Variants in CALML4 observed in about 807,000 individuals in gnomAD.
CALML4 encodes calmodulin like 4.
Under a neutral mutation model 17.9 loss-of-function variants are expected in CALML4, and 16 were observed. The observed-to-expected ratio is 0.89, with a 90% CI of 0.61 to 1.36. The LOEUF is 1.36. Ranked by LOEUF, CALML4 falls within the 40% of genes most tolerant of loss-of-function variation. The pLI, the probability that CALML4 is intolerant of heterozygous loss-of-function variation, is 0.00. For missense variants in CALML4, 203 were observed against 194.8 expected, an observed-to-expected ratio of 1.04 and a Z score of -0.25; for synonymous variants, 86 against 71.5, an observed-to-expected ratio of 1.20 and a Z score of -1.02.
In CALML4 at chr15:68,194,052, A is replaced by C. The variant is rs1161132574; in HGVS notation, c.425T>G (p.Phe142Cys). The C allele has an allele frequency of 6.2e-7, 1 of 1,614,078 alleles. No individual in the cohort carries two copies. The highest frequency in any genetic ancestry group is 2.2e-5 in the East Asian group (1 of 44,886). Reference sequence around the variant, plus strand: ...TCCAGGAAGGGTGATCTTGTGGATAAATTCATCATACTTCACTTTGCCATT... The same window carrying C: ...TCCAGGAAGGGTGATCTTGTGGATACATTCATCATACTTCACTTTGCCATT... ...EPNGKVKYDE[F>C]IHKITLPGRD... is the part of the protein sequence containing the mutation. The change falls in exon 5 of 5, where the codon TTT (phenylalanine) becomes TGT (cysteine). Residue 142 changes from phenylalanine (F) to cysteine (C), a missense_variant. Physicochemically the swap from Phe to Cys is radical, Grantham distance 205. Coordinates refer to ENST00000467889, the MANE Select transcript of CALML4 (RefSeq NM_033429.3).
chr15:68,197,892 C>T lies in CALML4; in HGVS notation c.176-264G>A, dbSNP rs2093151452. ...ACCCCAAAGCTCAAGAAAGTGGGTT[C>T]CCAACCACAGATGGAGGACTGGGCT... On this transcript the variant is annotated intron_variant, in intron 3 of 4. Transcript: ENST00000467889. This position sits in a 1 kb window ranked among gnomAD's most constrained non-coding sequence, Gnocchi z 4.1. The T allele has an allele frequency of 2.3e-6, 1 of 431,680 alleles. No homozygotes were observed. The highest frequency in any genetic ancestry group is 2.0e-5 in the African/African-American group (1 of 50,658). The allele number at this position is 431,680 out of a possible 1,614,324, so 26.7% of individuals were successfully genotyped here. A position where few individuals can be genotyped will look rare whatever the true frequency, so the allele number is the denominator to read the frequency against.
chr15:68,202,643 C>T (rs1255173188), intron 2 of CALML4, among the ~76,000 whole-genome samples: 3 of 127,794 alleles, frequency 2.3e-5, no homozygotes, highest in Non-Finnish European at 3.3e-5. Flanking sequence ...GTTTTGCCAA[C>T]TTTTTTTTTT....
chr15:68,198,846 C>T (rs146239287), intron 3 of CALML4, among the ~76,000 whole-genome samples: 5 of 152,004 alleles, frequency 3.3e-5, no homozygotes, highest in African/African-American at 1.2e-4. Flanking sequence ...GGATGTAAAC[C>T]TTGATCTTTG....
chr15:68,205,521 A>G, upstream of CALML4: 1 of 956,290 alleles, frequency 1.0e-6, no homozygotes, highest in Non-Finnish European at 1.5e-6. This position sits in a 1 kb window ranked among gnomAD's most constrained non-coding sequence, Gnocchi z 4.8. Context: ...CCAGAAGCCG[A>G]AGCAAAGGGA....
intron 4 of CALML4, among the ~76,000 whole-genome samples, chr15:68,194,933 TAAAA>T (rs35301423): frequency 4.5e-5 from 6 of 134,704 alleles, no homozygotes; most frequent in Non-Finnish European, 7.9e-5. Context: ...CCATCACCTC[TAAAA>T]AAAAAAAAAA....
At position 68,205,277 on chromosome 15, in the gene CALML4, T is replaced by C. The variant is rs1423413710; in HGVS notation, c.-30A>G. Reference sequence around the variant, plus strand: ...GGGCCTCGGCTGCTACCCGTGGGCTTGCTGCTCCCAGAACCGCGTTCAGTT... The same window carrying C: ...GGGCCTCGGCTGCTACCCGTGGGCTCGCTGCTCCCAGAACCGCGTTCAGTT... On this transcript the variant is annotated 5_prime_UTR_variant, in exon 1 of 5. Coordinates refer to ENST00000467889, the MANE Select transcript of CALML4 (RefSeq NM_033429.3). The surrounding 1 kb of genome is among the most constrained non-coding windows in gnomAD (Gnocchi z 4.8). 1.2e-6 allele frequency: 2 copies of C among 1,613,974 alleles called. No individual in the cohort carries two copies. Among genetic ancestry groups the C allele is most frequent in the African/African-American group, 2.7e-5 (2 of 74,902 alleles).
chr15:68,196,130 C>A (rs900488331), intron 4 of CALML4, among the ~76,000 whole-genome samples: 2 of 152,198 alleles, frequency 1.3e-5, no homozygotes, highest in Non-Finnish European at 2.9e-5. Context: ...CTCACTGCAA[C>A]CTCCGCCTCC....
intron 4 of CALML4, among the ~76,000 whole-genome samples, chr15:68,194,734 C>A (rs763189559): frequency 3.3e-5 from 5 of 151,952 alleles, no homozygotes; most frequent in African/African-American, 4.8e-5. Context: ...CCCCTGTGCC[C>A]ATATTTCTAG....
In CALML4 at chr15:68,193,529, CATCTTGGAAA is replaced by C. The variant is rs1356461365; in HGVS notation, c.*476_*485del. 5 of 153,586 alleles carry C rather than the reference CATCTTGGAAA, an allele frequency of 3.3e-5. No homozygotes were observed. The highest frequency in any genetic ancestry group is 2.0e-4 in the South Asian group (1 of 4,922). The allele number at this position is 153,586 out of a possible 1,614,324, so 9.5% of individuals were successfully genotyped here. A position where few individuals can be genotyped will look rare whatever the true frequency, so the allele number is the denominator to read the frequency against. Reference sequence around the variant, plus strand: ...GCTGCTTCTCAGCTAGCACTGGCTTCATCTTGGAAAATCTTGGAAATATGGAAGATGGTTC... The same window carrying C: ...GCTGCTTCTCAGCTAGCACTGGCTTCATCTTGGAAATATGGAAGATGGTTC... On this transcript the variant is annotated 3_prime_UTR_variant, in exon 5 of 5. Transcript: ENST00000467889.
rs1427113343 is a variant in CALML4, at chr15:68,192,084, C to G, written c.*1931G>C. ...CGGAAAGTACCCTCATTTATTATAT[C>G]CAGAACTTGCTCTTCCTGTGCCATC... On this transcript the variant is annotated 3_prime_UTR_variant, in exon 5 of 5. Transcript: ENST00000467889. 1 of 152,234 alleles carries G rather than the reference C, an allele frequency of 6.6e-6. No homozygotes were observed. The highest frequency in any genetic ancestry group is 6.5e-5 in the Admixed American group (1 of 15,276). 9.4% of individuals were successfully genotyped at this position (152,234 alleles called of 1,614,324 possible).
In CALML4 at chr15:68,193,963, A is replaced by G; in HGVS notation, c.*52T>C. ...GTGAAAAGAACACTTTTTAAAAAAAATTAATTGCTCCAAGTTTTCAGGCCC... is the reference window on the plus strand; with the variant it reads ...GTGAAAAGAACACTTTTTAAAAAAAGTTAATTGCTCCAAGTTTTCAGGCCC... On this transcript the variant is annotated 3_prime_UTR_variant, in exon 5 of 5. Coordinates refer to ENST00000467889, the MANE Select transcript of CALML4 (RefSeq NM_033429.3). The G allele has an allele frequency of 7.3e-7, 1 of 1,374,340 alleles. No homozygotes were observed. The highest frequency in any genetic ancestry group is 1.9e-5 in the Admixed American group (1 of 54,048). The allele number at this position is 1,374,340 out of a possible 1,614,324, so 85.1% of individuals were successfully genotyped here. A position where few individuals can be genotyped will look rare whatever the true frequency, so the allele number is the denominator to read the frequency against.
Position 68,199,868 on chromosome 15 carries a change from C to G in CALML4, c.35-187G>C, listed in dbSNP as rs1437754720. On this transcript the variant is annotated intron_variant, in intron 2 of 4. Transcript: ENST00000467889. ...CAGGACTGCCAAGTTAAACCGAATT[C>G]AGATAAACACTGAATATACTTTTAT... 5 of 518,678 alleles carry G rather than the reference C, an allele frequency of 9.6e-6. No individual in the cohort carries two copies. In the African/African-American group the frequency reaches 9.6e-5, roughly 10 times the overall value. The allele number at this position is 518,678 out of a possible 1,614,324, so 32.1% of individuals were successfully genotyped here.
At chr15:68,194,226 A>G (rs1279134470) in intron 4 of CALML4, 114 bp from the exon 5 acceptor site, 5 of 702,358 alleles carry the variant, frequency 7.1e-6, no homozygotes, top group Admixed American at 7.1e-5. Flanking sequence ...GCAGTTGACT[A>G]TTCCTGTAGA....
rs11856788 is a variant in CALML4, at chr15:68,200,218, G to C, written c.35-537C>G. ...TTACTGTGAGAGCCAGAAATCCCAG[G>C]AGGCCTGCCAGAGAGTGGCCTTCAT... On this transcript the variant is annotated intron_variant, in intron 2 of 4. Transcript: ENST00000467889. The surrounding 1 kb of genome is among the most constrained non-coding windows in gnomAD (Gnocchi z 4.3). 0.03 allele frequency among the ~76,000 whole-genome samples: 4,522 copies of C among 152,314 alleles called. 226 individuals are homozygous for C. Among genetic ancestry groups the C allele is most frequent in the African/African-American group, 0.1 (4,266 of 41,562 alleles).
In CALML4 at chr15:68,192,521, C is replaced by T. The variant is rs1443597537; in HGVS notation, c.*1494G>A. ...TTGGGCCATTTATTTACCCTCACCCCACAAAACTCTTTGGCTCCTAGGAAT... is the reference window on the plus strand; with the variant it reads ...TTGGGCCATTTATTTACCCTCACCCTACAAAACTCTTTGGCTCCTAGGAAT... On this transcript the variant is annotated 3_prime_UTR_variant, in exon 5 of 5. Coordinates refer to ENST00000467889, the MANE Select transcript of CALML4 (RefSeq NM_033429.3). The T allele has an allele frequency of 6.6e-6, 1 of 152,202 alleles. No homozygotes were observed. Among genetic ancestry groups the T allele is most frequent in the Non-Finnish European group, 1.5e-5 (1 of 68,058 alleles). The allele number at this position is 152,202 out of a possible 1,614,324, so 9.4% of individuals were successfully genotyped here. A position where few individuals can be genotyped will look rare whatever the true frequency, so the allele number is the denominator to read the frequency against.
chr15:68,202,022 T>C (rs2093166903), intron 2 of CALML4, among the ~76,000 whole-genome samples: 1 of 152,238 alleles, frequency 6.6e-6, no homozygotes, highest in Admixed American at 6.5e-5. Flanking sequence ...TTCACTGTTG[T>C]ATGTAGCTCC....
In CALML4 at chr15:68,192,406, G is replaced by A. The variant is rs1034819428; in HGVS notation, c.*1609C>T. 5 of 152,166 alleles carry A rather than the reference G, an allele frequency of 3.3e-5. No homozygotes were observed. Among genetic ancestry groups the A allele is most frequent in the African/African-American group, 4.8e-5 (2 of 41,436 alleles). 9.4% of individuals were successfully genotyped at this position (152,166 alleles called of 1,614,324 possible). ...TGTATTCTTAAGGCAGCCAAATCTC[G>A]TAAACCTCAGACCCCACAAAACATC... On this transcript the variant is annotated 3_prime_UTR_variant, in exon 5 of 5. Coordinates refer to ENST00000467889, the MANE Select transcript of CALML4 (RefSeq NM_033429.3).
Position 68,194,132 on chromosome 15 carries a change from A to G in CALML4, c.365-20T>C. On this transcript the variant is annotated intron_variant, in intron 4 of 4. Coordinates refer to ENST00000467889, the MANE Select transcript of CALML4 (RefSeq NM_033429.3). The stretch of plus-strand genomic sequence containing the variant: ...CATCCACTGCAATAAATCACATTTA[A>G]TTTTTCAGTTTGGCTTTAGTGTTCC... The G allele has an allele frequency of 1.9e-6, 3 of 1,597,406 alleles. No homozygotes were observed. The highest frequency in any genetic ancestry group is 2.6e-6 in the Non-Finnish European group (3 of 1,165,140).
In CALML4 at chr15:68,197,740, T is replaced by C. The variant is rs2141125409; in HGVS notation, c.176-112A>G. 1 of 919,992 alleles carries C rather than the reference T, an allele frequency of 1.1e-6. No individual in the cohort carries two copies. The highest frequency in any genetic ancestry group is 2.6e-5 in the East Asian group (1 of 39,122). 57.0% of individuals were successfully genotyped at this position (919,992 alleles called of 1,614,324 possible). ...GGTTCAAGGTCAACTGACCAGGGAA[T>C]GCCAGGATGTGGCAGTGGTCACAGT... On this transcript the variant is annotated intron_variant, in intron 3 of 4. Transcript: ENST00000467889. The surrounding 1 kb of genome is among the most constrained non-coding windows in gnomAD (Gnocchi z 4.1).
Sources: allele counts gnomAD v4.1 joint callset (sites outside exome capture counted in the v4.1 genomes callset), GRCh38; gene constraint gnomAD v4.1.1; non-coding constraint Gnocchi (gnomAD v3.1); transcripts MANE v1.5; gene names NCBI Gene and HGNC (gene_info 2026-07-23, HGNC 2026-07-21).